The following GALNT18 variants were observed in gnomAD, a reference collection of about 807,000 sequenced individuals.
GALNT18 encodes GalNAc-transferase 18.
A neutral mutation model predicts 69.5 loss-of-function variants in GALNT18; 44 were observed. The observed-to-expected ratio is 0.63, with a 90% CI of 0.50 to 0.81. The LOEUF is 0.81. Among genes scored for constraint, GALNT18 ranks in the 40% least tolerant of loss-of-function variants. GALNT18 has a pLI of 0.00. For synonymous variants in GALNT18, 364 were observed against 318.2 expected, an observed-to-expected ratio of 1.14 and a Z score of -1.53; for missense variants, 715 against 810.0, an observed-to-expected ratio of 0.88 and a Z score of 1.42.
In GALNT18 at chr11:11,596,365, T is replaced by C. The variant is rs1041702394; in HGVS notation, c.235+24994A>G. ...GTTTTTCAAGATTATTTGGCTAGCC[T>C]GTATACCTTAAATTTCCATCAGAAT... On this transcript the variant is annotated intron_variant, in intron 1 of 10. Coordinates refer to ENST00000227756, the MANE Select transcript of GALNT18 (RefSeq NM_198516.3). The surrounding 1 kb of genome is among the most constrained non-coding windows in gnomAD (Gnocchi z 4.2). Among the ~76,000 whole-genome samples the C allele has an allele frequency of 2.6e-5, 4 of 152,176 alleles. No homozygotes were observed. The highest frequency in any genetic ancestry group is 9.7e-5 in the African/African-American group (4 of 41,440).
intron 6 of GALNT18, chr11:11,352,498 T>C (rs952212741): frequency 1.9e-6 from 3 of 1,614,124 alleles, no homozygotes; most frequent in South Asian, 1.1e-5. Flanking sequence ...TAATCGTACA[T>C]CTGATAGTCT....
At chr11:11,322,040 A>G (rs1185559309) in intron 9 of GALNT18, among the ~76,000 whole-genome samples, 1 of 152,246 alleles carries the variant, frequency 6.6e-6, no homozygotes, top group Non-Finnish European at 1.5e-5. Context: ...AAAGTGGAGT[A>G]ATAATGGTAA....
chr11:11,413,938 T>G lies in GALNT18; in HGVS notation c.595+18683A>C, dbSNP rs1193065913. ...ATTTGGCACATTCAGGACTTCACAC[T>G]GGATCTTACTCACCAAACCTGTTCT... is the stretch of plus-strand genomic sequence containing the variant. On this transcript the variant is annotated intron_variant, in intron 3 of 10. Coordinates refer to ENST00000227756, the MANE Select transcript of GALNT18 (RefSeq NM_198516.3). This position sits in a 1 kb window ranked among gnomAD's most constrained non-coding sequence, Gnocchi z 4.7. Among the ~76,000 whole-genome samples the G allele has an allele frequency of 6.6e-6, 1 of 152,230 alleles. No homozygotes were observed. The highest frequency in any genetic ancestry group is 2.1e-4 in the South Asian group (1 of 4,830).
intron 10 of GALNT18, among the ~76,000 whole-genome samples, chr11:11,276,746 T>C (rs1848957455): frequency 6.6e-6 from 1 of 152,210 alleles, no homozygotes; most frequent in Admixed American, 6.5e-5. Flanking sequence ...ATGGAAGGCC[T>C]TTTCTGCATC....
rs1362334188 is a variant in GALNT18, at chr11:11,341,270, G to A, written c.1093-266C>T. On this transcript the variant is annotated intron_variant, in intron 6 of 10. Coordinates refer to ENST00000227756, the MANE Select transcript of GALNT18 (RefSeq NM_198516.3). This position sits in a 1 kb window ranked among gnomAD's most constrained non-coding sequence, Gnocchi z 6.3. ...GAATGCACTTTTTCCCTCCACCTGT[G>A]AGCCCTACCCCACCAAAAAAAGAGA... 2.0e-5 allele frequency among the ~76,000 whole-genome samples: 3 copies of A among 152,082 alleles called. No individual in the cohort carries two copies. Among genetic ancestry groups the A allele is most frequent in the Non-Finnish European group, 4.4e-5 (3 of 68,018 alleles).
At position 11,404,184 on chromosome 11, in the gene GALNT18, G is replaced by T. The variant is rs564288562; in HGVS notation, c.596-24920C>A. Among the ~76,000 whole-genome samples, 76 of 152,356 alleles carry T rather than the reference G, an allele frequency of 5.0e-4. No homozygotes were observed. The highest frequency in any genetic ancestry group is 1.7e-3 in the African/African-American group (72 of 41,594). On this transcript the variant is annotated intron_variant, in intron 3 of 10. Coordinates refer to ENST00000227756, the MANE Select transcript of GALNT18 (RefSeq NM_198516.3). The surrounding 1 kb of genome is among the most constrained non-coding windows in gnomAD (Gnocchi z 4.5). ...TCCGTAAAGGAGTGAGTGTCTAGGG[G>T]AGTTCATGCGTGCACGGCATGGAGC...
At position 11,602,563 on chromosome 11, in the gene GALNT18, T is replaced by C. The variant is rs1859657760; in HGVS notation, c.235+18796A>G. On this transcript the variant is annotated intron_variant, in intron 1 of 10. Coordinates refer to ENST00000227756, the MANE Select transcript of GALNT18 (RefSeq NM_198516.3). The surrounding 1 kb of genome is among the most constrained non-coding windows in gnomAD (Gnocchi z 4.7). ...TTATGGCTCAAATGTCCCAGACTCT[T>C]GTTATTACTAAAATTTAGTAGATTT... Among the ~76,000 whole-genome samples, 1 of 152,210 alleles carries C rather than the reference T, an allele frequency of 6.6e-6. No homozygotes were observed. The highest frequency in any genetic ancestry group is 1.5e-5 in the Non-Finnish European group (1 of 68,038).
intron 7 of GALNT18, among the ~76,000 whole-genome samples, chr11:11,336,114 C>A (rs1463916941): frequency 6.6e-6 from 1 of 152,218 alleles, no homozygotes; most frequent in Admixed American, 6.5e-5. Flanking sequence ...GACAAGCCAT[C>A]CCTGGCACTC....
intron 1 of GALNT18, among the ~76,000 whole-genome samples, chr11:11,482,500 C>T (rs1856553929): frequency 6.6e-6 from 1 of 152,316 alleles, no homozygotes; most frequent in East Asian, 1.9e-4. Context: ...ATCCTGGGCT[C>T]ACTGAGAGAG....
At chr11:11,559,648 T>TGGGAC (rs1858420608) in intron 1 of GALNT18, among the ~76,000 whole-genome samples, 1 of 146,678 alleles carries the variant, frequency 6.8e-6, no homozygotes, top group African/African-American at 2.5e-5. Context: ...TGGGATGCGA[T>TGGGAC]GGGATGGGAT....
At chr11:11,524,436 A>G (rs4438024) in intron 1 of GALNT18, among the ~76,000 whole-genome samples, 134,387 of 152,226 alleles carry the variant, frequency 0.88, 59,711 homozygotes, top group Non-Finnish European at 0.93. Context: ...GTTTCTCAAT[A>G]ACACTGAGCT....
intron 10 of GALNT18, among the ~76,000 whole-genome samples, chr11:11,275,855 T>G (rs985558806): frequency 7.9e-5 from 12 of 152,230 alleles, no homozygotes; most frequent in Non-Finnish European, 1.6e-4. Flanking sequence ...ATGTGTGGTG[T>G]TATTTCTGAG....
Position 11,277,396 on chromosome 11 carries a change from C to CT in GALNT18, c.1678-6107dup, listed in dbSNP as rs372645818. ...TTTATTGCATCTATTTGATTCTTCT[C>CT]TTTTTTTTGTTAGTCTGGCTAGTGG... On this transcript the variant is annotated intron_variant, in intron 10 of 10. Transcript: ENST00000227756. Among the ~76,000 whole-genome samples the CT allele has an allele frequency of 2.2e-3, 339 of 151,882 alleles. 3 individuals are homozygous for CT. Among genetic ancestry groups the CT allele is most frequent in the South Asian group, 0.02 (94 of 4,800 alleles).
rs1172475588 is a variant in GALNT18, at chr11:11,383,770, TAGTG to T, written c.596-4510_596-4507del. ...AGTTTCCCACACGCTGTTCTCATGA[TAGTG>T]AGTGAGTTCTCATGAGATCTGATGG... On this transcript the variant is annotated intron_variant, in intron 3 of 10. Coordinates refer to ENST00000227756, the MANE Select transcript of GALNT18 (RefSeq NM_198516.3). The surrounding 1 kb of genome is among the most constrained non-coding windows in gnomAD (Gnocchi z 5.2). Among the ~76,000 whole-genome samples the T allele has an allele frequency of 6.6e-6, 1 of 151,980 alleles. No individual in the cohort carries two copies. Among genetic ancestry groups the T allele is most frequent in the Admixed American group, 6.6e-5 (1 of 15,250 alleles).
intron 1 of GALNT18, among the ~76,000 whole-genome samples, chr11:11,524,551 C>T (rs1365514290): frequency 6.6e-6 from 1 of 152,160 alleles, no homozygotes; most frequent in African/African-American, 2.4e-5. Context: ...GTTTTCTCTT[C>T]CAGGAAAATG....
At chr11:11,558,162 C>T (rs1052182401) in intron 1 of GALNT18, among the ~76,000 whole-genome samples, 1 of 152,096 alleles carries the variant, frequency 6.6e-6, no homozygotes, top group East Asian at 1.9e-4. Context: ...TTCTCAGATC[C>T]CCATTTCTTT....
chr11:11,381,297 G>A (rs1040694514), intron 3 of GALNT18, among the ~76,000 whole-genome samples: 2 of 152,152 alleles, frequency 1.3e-5, no homozygotes, highest in Non-Finnish European at 1.5e-5. Flanking sequence ...TTTTGATGGT[G>A]GCAGTTAAGT....
chr11:11,300,928 G>C (rs972451807), intron 9 of GALNT18, among the ~76,000 whole-genome samples: 1 of 152,214 alleles, frequency 6.6e-6, no homozygotes, highest in African/African-American at 2.4e-5. Flanking sequence ...AAGCCTAGGA[G>C]TGAAATGTTG....
chr11:11,566,007 A>G (rs1416109684), intron 1 of GALNT18, among the ~76,000 whole-genome samples: 1 of 152,196 alleles, frequency 6.6e-6, no homozygotes, highest in Non-Finnish European at 1.5e-5. Context: ...CCTTACAGGG[A>G]ATTGATGAGA....
Sources: gnomAD v4.1 joint callset for allele counts (sites outside exome capture counted in the v4.1 genomes callset) on GRCh38, gnomAD v4.1.1 for gene constraint, Gnocchi (gnomAD v3.1) non-coding constraint, MANE v1.5 for transcripts, NCBI Gene and HGNC (gene_info 2026-07-23, HGNC 2026-07-21) for gene names.